Variants in RMND1 observed in about 807,000 individuals in gnomAD.
The protein encoded by RMND1 is required for meiotic nuclear division protein 1 homolog.
In RMND1, 41 loss-of-function variants were observed where a neutral mutation model predicts 54.0. The ratio of observed to expected loss-of-function variants is 0.76; its 90% confidence interval spans 0.59 to 0.98. The LOEUF (loss-of-function observed/expected upper bound fraction) is 0.98. Ranked by LOEUF, RMND1 falls within the 50% of genes least tolerant of loss-of-function variation. RMND1 has a pLI of 0.00. For missense variants in RMND1, 457 were observed against 532.0 expected (o/e 0.86, Z 1.39); for synonymous variants, 183 against 181.7 (o/e 1.01, Z -0.06).
intron 10 of RMND1, among the ~76,000 whole-genome samples, chr6:151,414,982 A>G (rs1263219791): frequency 6.6e-6 from 1 of 152,124 alleles, no homozygotes; most frequent in Non-Finnish European, 1.5e-5. Context: ...ACACTCTCAG[A>G]TGAAGACAAA....
chr6:151,439,621 G>A (rs1431227066), intron 2 of RMND1, among the ~76,000 whole-genome samples: 1 of 152,152 alleles, frequency 6.6e-6, no homozygotes, highest in Non-Finnish European at 1.5e-5. Flanking sequence ...GTCTGTTAAT[G>A]GCGGTGGCAG....
chr6:151,422,925 C>CGCG (rs1007933074), intron 7 of RMND1, among the ~76,000 whole-genome samples: 1 of 152,032 alleles, frequency 6.6e-6, no homozygotes, highest in Non-Finnish European at 1.5e-5. Flanking sequence ...GCAGATAGGG[C>CGCG]GCGACTAAGA....
At chr6:151,443,571 A>G (rs1394276695) in intron 2 of RMND1, among the ~76,000 whole-genome samples, 1 of 152,134 alleles carries the variant, frequency 6.6e-6, no homozygotes, top group Non-Finnish European at 1.5e-5. Flanking sequence ...GGGCCTCCCA[A>G]AGTGTTGGGA....
chr6:151,435,360 G>C (rs1780574503), intron 3 of RMND1, among the ~76,000 whole-genome samples: 1 of 151,900 alleles, frequency 6.6e-6, no homozygotes, highest in Admixed American at 6.6e-5. Flanking sequence ...TGGCCAGGCT[G>C]GTCTCGAACT....
Position 151,405,774 on chromosome 6 carries a change from A to G in RMND1, c.1263T>C (p.Asn421=). 1 of 1,612,498 alleles carries G rather than the reference A, an allele frequency of 6.2e-7. No individual in the cohort carries two copies. Among genetic ancestry groups the G allele is most frequent in the Non-Finnish European group, 8.5e-7 (1 of 1,178,580 alleles). ...ACTCCAAGCGGAGTGCCCTCTTCTC[A>G]TTCAGGTGATTCCGCATTAGATCTG... ...ELTDLMRNHL[N]EKRALRLEWM... is the part of the protein sequence containing the mutation. Residue 421 remains asparagine, a synonymous_variant, in exon 11 of 12, where the codon AAT becomes AAC. Transcript: ENST00000444024.
chr6:151,421,047 G>T (rs929457305), intron 9 of RMND1, 198 bp downstream of exon 9: 2 of 468,182 alleles, frequency 4.3e-6, no homozygotes, highest in African/African-American at 4.0e-5. Context: ...GCACATGCGT[G>T]ATTTCTTTCA....
chr6:151,411,599 T>C (rs1158456586), intron 10 of RMND1: 2 of 152,204 alleles, frequency 1.3e-5, no homozygotes, highest in Non-Finnish European at 2.9e-5. Flanking sequence ...CAAGGTACTC[T>C]TCACTCAGGT....
chr6:151,450,798 T>G (rs1022456032), intron 1 of RMND1, among the ~76,000 whole-genome samples: 1 of 152,040 alleles, frequency 6.6e-6, no homozygotes, highest in Non-Finnish European at 1.5e-5. Context: ...AATCGGATGG[T>G]TGCCGTGTCT....
rs763581441 is a variant in RMND1, at chr6:151,405,820, A to G, written c.1217T>C (p.Leu406Pro). The G allele has an allele frequency of 1.9e-6, 3 of 1,605,634 alleles. No individual in the cohort carries two copies. The highest frequency in any genetic ancestry group is 2.6e-6 in the Non-Finnish European group (3 of 1,172,750). ...GRRVKVMNEK[L>P]QHCMELTDLM... ...ATCTGTTAGTTCCATGCAGTGCTGA[A>G]GTTTTTCATTCATGACCTATGTAAG... The change falls in exon 11 of 12, where the codon CTT (leucine) becomes CCT (proline). Residue 406 changes from leucine to proline, a missense_variant. By Grantham distance (98) the Leu-to-Pro change is moderately conservative. Transcript: ENST00000444024.
intron 10 of RMND1, among the ~76,000 whole-genome samples, chr6:151,407,818 A>G (rs1779679749): frequency 1.3e-5 from 2 of 151,990 alleles, no homozygotes; most frequent in African/African-American, 4.8e-5. Context: ...GAGGCAGGAG[A>G]ATAGTGTGAA....
intron 10 of RMND1, chr6:151,413,666 TCAGCCTGTGTGCA>T (rs1323011214): frequency 1.3e-5 from 2 of 152,274 alleles, no homozygotes; most frequent in African/African-American, 2.4e-5. Flanking sequence ...CTCTGGATCT[TCAGCCTGTGTGCA>T]CAGTCGACAA....
intron 1 of RMND1, among the ~76,000 whole-genome samples, chr6:151,448,065 C>T (rs754185709): frequency 1.3e-5 from 2 of 152,098 alleles, no homozygotes; most frequent in Non-Finnish European, 2.9e-5. Flanking sequence ...ATCCACCTGC[C>T]TTGGCCTCCT....
rs764470375 is a variant in RMND1, at chr6:151,422,535, A to G, written c.1002+6T>C. 2.8e-6 allele frequency: 4 copies of G among 1,434,948 alleles called. No individual in the cohort carries two copies. In the Admixed American group the frequency reaches 8.7e-5, roughly 31 times the overall value. 88.9% of individuals were successfully genotyped at this position (1,434,948 alleles called of 1,614,324 possible). A position where few individuals can be genotyped will look rare whatever the true frequency, so the allele number is the denominator to read the frequency against. On this transcript the variant is annotated splice_donor_region_variant and intron_variant, in intron 8 of 11. Transcript: ENST00000444024. The stretch of plus-strand genomic sequence containing the variant: ...CCTTGAATAAGCATAAAATTGATAT[A>G]ATTACCTCAGGAATTGACTGAATAG...
At chr6:151,417,611 C>T (rs1003441737) in intron 9 of RMND1, among the ~76,000 whole-genome samples, 1 of 152,036 alleles carries the variant, frequency 6.6e-6, no homozygotes, top group African/African-American at 2.4e-5. Flanking sequence ...CTGCCTCAGC[C>T]TCCCATGTAG....
chr6:151,417,108 G>A, intron 10 of RMND1, 171 bp downstream of exon 10: 1 of 618,872 alleles, frequency 1.6e-6, no homozygotes, highest in Non-Finnish European at 2.7e-6. Flanking sequence ...GCTAATATCA[G>A]AAGATCCTTT....
chr6:151,447,173 G>A (rs74967508), intron 1 of RMND1, among the ~76,000 whole-genome samples: 14,932 of 152,186 alleles, frequency 0.098, 809 homozygotes, highest in Middle Eastern at 0.18. Context: ...TCCCCATCTC[G>A]GGGAGGTAGG....
At position 151,422,582 on chromosome 6, in the gene RMND1, A is replaced by G; in HGVS notation, c.961T>C (p.Ser321Pro). ...ATAGATTCAATAAATTTATCCAGTGATGCTTCCCAAATTGCCAGTTTTACT... is the reference window on the plus strand; with the variant it reads ...ATAGATTCAATAAATTTATCCAGTGGTGCTTCCCAAATTGCCAGTTTTACT... ...LSVKLAIWEA[S>P]LDKFIESIQS... is the part of the protein sequence containing the mutation. The change falls in exon 8 of 12, where the codon TCA becomes CCA. Residue 321 changes from serine (S) to proline (P), a missense_variant. Physicochemically the swap from Ser to Pro is moderately conservative, Grantham distance 74. Coordinates refer to ENST00000444024, the MANE Select transcript of RMND1 (RefSeq NM_017909.4). 6.5e-7 allele frequency: 1 copy of G among 1,542,072 alleles called. No individual in the cohort carries two copies. The highest frequency in any genetic ancestry group is 8.8e-7 in the Non-Finnish European group (1 of 1,134,980).
intron 10 of RMND1, among the ~76,000 whole-genome samples, chr6:151,406,691 T>TA (rs199588159): frequency 0.011 from 1,677 of 152,306 alleles, 23 homozygotes; most frequent in African/African-American, 0.039. Flanking sequence ...TATCTTTATA[T>TA]ATCACTTGCT....
At chr6:151,406,641 T>G (rs1192926910) in intron 10 of RMND1, among the ~76,000 whole-genome samples, 2 of 152,110 alleles carry the variant, frequency 1.3e-5, no homozygotes, top group Admixed American at 1.3e-4. Flanking sequence ...TGAGCCACCG[T>G]GCCAGGCCTG....
Sources: allele counts gnomAD v4.1 joint callset (sites outside exome capture counted in the v4.1 genomes callset), GRCh38; gene constraint gnomAD v4.1.1; transcripts MANE v1.5; gene names NCBI Gene and HGNC (gene_info 2026-07-23, HGNC 2026-07-21).